ZNF33A: variants seen among roughly 807,000 people sequenced by gnomAD.
ZNF33A encodes brain my041 protein.
ZNF33A carries 9 observed loss-of-function variants against 15.9 expected under a neutral mutation model. The observed-to-expected ratio is 0.57, with a 90% CI of 0.34 to 0.99. ZNF33A has a LOEUF of 0.99. Among genes scored for constraint, ZNF33A ranks in the 50% least tolerant of loss-of-function variants. The pLI is 0.02. For missense variants in ZNF33A, 843 were observed against 941.6 expected, an observed-to-expected ratio of 0.90 and a Z score of 1.37; for synonymous variants, 294 against 324.2, an observed-to-expected ratio of 0.91 and a Z score of 1.00.
At chr10:38,042,790 T>A (rs558707112) in intron 4 of ZNF33A, among the ~76,000 whole-genome samples, 1 of 152,256 alleles carries the variant, frequency 6.6e-6, no homozygotes, top group South Asian at 2.1e-4. Context: ...TGGGCTTAAG[T>A]GATTCTCCTG....
intron 4 of ZNF33A, among the ~76,000 whole-genome samples, chr10:38,042,841 C>T (rs2065767022): frequency 6.6e-6 from 1 of 152,236 alleles, no homozygotes; most frequent in South Asian, 2.1e-4. Context: ...GCATGAGCCA[C>T]TGTGCCTGGC....
chr10:38,061,351 C>G (rs1275742237), downstream of ZNF33A, among the ~76,000 whole-genome samples: 1 of 152,166 alleles, frequency 6.6e-6, no homozygotes, highest in Non-Finnish European at 1.5e-5. Context: ...GATGCACATG[C>G]ATGGTGGCCC....
At chr10:38,062,209 C>T (rs1271845300), downstream of ZNF33A, among the ~76,000 whole-genome samples, 1 of 152,124 alleles carries the variant, frequency 6.6e-6, no homozygotes, top group Non-Finnish European at 1.5e-5. Context: ...TGAGACCTGG[C>T]CCTCACCGGA....
At chr10:38,064,662 T>C (rs1181834924), downstream of ZNF33A, 1 of 152,330 alleles carries the variant, frequency 6.6e-6, no homozygotes, top group Non-Finnish European at 1.5e-5. Context: ...GTGTGTCCAC[T>C]CTTCCTTCAC....
chr10:38,057,096 A>G lies in ZNF33A; in HGVS notation c.*536A>G, dbSNP rs907133848. 8 of 677,708 alleles carry G rather than the reference A, an allele frequency of 1.2e-5. No individual in the cohort carries two copies. Among genetic ancestry groups the G allele is most frequent in the South Asian group, 6.4e-5 (1 of 15,540 alleles). 42.0% of individuals were successfully genotyped at this position (677,708 alleles called of 1,614,324 possible). ...GATAGAGACTTAGTCAGATTTTACT[A>G]TGGTTTGCATGCACTCTGTGTGTGT... is the stretch of plus-strand genomic sequence containing the variant. On this transcript the variant is annotated 3_prime_UTR_variant, in exon 5 of 5. Transcript: ENST00000432900.
chr10:38,050,889 T>C (rs2066170905), intron 4 of ZNF33A, among the ~76,000 whole-genome samples: 1 of 152,220 alleles, frequency 6.6e-6, no homozygotes, highest in South Asian at 2.1e-4. Flanking sequence ...TAAGGCACAC[T>C]AGGCAGTTCC....
intron 4 of ZNF33A, among the ~76,000 whole-genome samples, chr10:38,026,425 C>G (rs571988504): frequency 6.6e-6 from 1 of 152,294 alleles, no homozygotes; most frequent in South Asian, 2.1e-4. Flanking sequence ...ACCTCCGCCT[C>G]CTGGGTTCAA....
At chr10:38,044,948 G>A (rs760865850) in intron 4 of ZNF33A, among the ~76,000 whole-genome samples, 1 of 152,158 alleles carries the variant, frequency 6.6e-6, no homozygotes, top group Non-Finnish European at 1.5e-5. Flanking sequence ...GATTACAGGC[G>A]TGAGCCACCG....
intron 4 of ZNF33A, among the ~76,000 whole-genome samples, chr10:38,036,781 G>A (rs1185544731): frequency 6.6e-6 from 1 of 152,144 alleles, no homozygotes; most frequent in Non-Finnish European, 1.5e-5. Context: ...AGATGGGAAA[G>A]GAAGAAATAA....
At chr10:38,022,782 G>A (rs1427000004) in intron 4 of ZNF33A, among the ~76,000 whole-genome samples, 2 of 151,920 alleles carry the variant, frequency 1.3e-5, no homozygotes, top group East Asian at 3.9e-4. Flanking sequence ...TTTCATAAAG[G>A]TTGACATAAT....
At chr10:38,040,197 G>A (rs774437802) in intron 4 of ZNF33A, among the ~76,000 whole-genome samples, 9 of 151,180 alleles carry the variant, frequency 6.0e-5, no homozygotes, top group African/African-American at 1.5e-4. Context: ...TTGTAATTTC[G>A]ACTGTGGTCA....
At chr10:38,012,386 G>C (rs201491264) in intron 2 of ZNF33A, 36 bp downstream of exon 2, 1 of 1,568,924 alleles carries the variant, frequency 6.4e-7, no homozygotes, top group East Asian at 2.3e-5. Flanking sequence ...TTATTTTGCA[G>C]TGGACTTTGT....
chr10:38,066,900 C>A (rs780623361), downstream of ZNF33A, among the ~76,000 whole-genome samples: 8 of 152,096 alleles, frequency 5.3e-5, no homozygotes, highest in Non-Finnish European at 7.4e-5. Context: ...TCACTGCACT[C>A]CAGCCTGGGT....
At position 38,055,372 on chromosome 10, in the gene ZNF33A, T is replaced by G. The variant is rs2066420634; in HGVS notation, c.1248T>G (p.Asn416Lys). 6.2e-7 allele frequency: 1 copy of G among 1,613,910 alleles called. No individual in the cohort carries two copies. The highest frequency in any genetic ancestry group is 8.5e-7 in the Non-Finnish European group (1 of 1,179,998). The change falls in exon 5 of 5, where the codon AAT becomes AAG. Residue 416 changes from asparagine (N) to lysine (K), a missense_variant. By Grantham distance (94) the Asn-to-Lys change is moderately conservative. Coordinates refer to ENST00000432900, the MANE Select transcript of ZNF33A (RefSeq NM_006954.2). ...CAGGGGAGAAACCCTATCAATGTAA[T>G]GCGTGTGGGAAAACTTTTTGCCAGA... ...THTGEKPYQC[N>K]ACGKTFCQKS...
At position 38,056,520 on chromosome 10, in the gene ZNF33A, A is replaced by G; in HGVS notation, c.2396A>G (p.His799Arg). 3.1e-6 allele frequency: 5 copies of G among 1,597,428 alleles called. No homozygotes were observed. The highest frequency in any genetic ancestry group is 4.3e-6 in the Non-Finnish European group (5 of 1,172,564). Reference protein sequence around the residue: ...VSLHNASEYSHCGESPDDILN... With the variant: ...VSLHNASEYSRCGESPDDILN... Reference sequence around the variant, plus strand: ...CTCCATAATGCCTCAGAGTATTCACACTGTGGAGAAAGCCCTGATGACATC... The same window carrying G: ...CTCCATAATGCCTCAGAGTATTCACGCTGTGGAGAAAGCCCTGATGACATC... The change falls in exon 5 of 5, where the codon CAC becomes CGC. Residue 799 changes from histidine (H) to arginine (R), a missense_variant. His to Arg is a conservative substitution (Grantham distance 29). Transcript: ENST00000432900.
intron 4 of ZNF33A, among the ~76,000 whole-genome samples, chr10:38,052,406 A>G (rs1395858005): frequency 6.6e-6 from 1 of 152,108 alleles, no homozygotes; most frequent in Non-Finnish European, 1.5e-5. Flanking sequence ...TGTCTGGCAA[A>G]AGATGTGAAA....
At chr10:38,051,762 A>G (rs1202664434) in intron 4 of ZNF33A, among the ~76,000 whole-genome samples, 1 of 152,114 alleles carries the variant, frequency 6.6e-6, no homozygotes, top group Non-Finnish European at 1.5e-5. Context: ...CTTTTACTAT[A>G]CTTCTTTTTA....
At chr10:38,047,190 CAAAAAA>C (rs61278605) in intron 4 of ZNF33A, among the ~76,000 whole-genome samples, 6,546 of 64,068 alleles carry the variant, frequency 0.1, 129 homozygotes, top group Non-Finnish European at 0.14. Context: ...CCACCCCTGC[CAAAAAA>C]AAAAAAAAAA....
At chr10:38,011,649 T>C (rs1333346329) in intron 1 of ZNF33A, among the ~76,000 whole-genome samples, 3 of 152,192 alleles carry the variant, frequency 2.0e-5, no homozygotes, top group Non-Finnish European at 4.4e-5. Flanking sequence ...TTTGTTTTTT[T>C]GTTTGTTAAG....
Sources: gnomAD v4.1 joint callset for allele counts (sites outside exome capture counted in the v4.1 genomes callset) on GRCh38, gnomAD v4.1.1 for gene constraint, MANE v1.5 for transcripts, NCBI Gene and HGNC (gene_info 2026-07-23, HGNC 2026-07-21) for gene names.